LIPF: variants seen among roughly 807,000 people sequenced by gnomAD.
The protein encoded by LIPF is lipase F, gastric type.
A neutral mutation model predicts 38.0 loss-of-function variants in LIPF; 25 were observed. The ratio of observed to expected loss-of-function variants is 0.66; its 90% confidence interval spans 0.48 to 0.92. The LOEUF is 0.92. Ranked by LOEUF, LIPF falls within the 40% of genes least tolerant of loss-of-function variation. The probability of loss-of-function intolerance (pLI) is 0.00; values close to 1 mark genes in which losing one functional copy is unlikely to be tolerated. For missense variants in LIPF, 410 were observed against 469.9 expected (o/e 0.87, Z 1.18); for synonymous variants, 161 against 156.2 (o/e 1.03, Z -0.23).
At chr10:88,678,418 T>G (rs369564039) in intron 9 of LIPF, 27 bp from the exon 10 acceptor site, 402 of 1,535,682 alleles carry the variant, frequency 2.6e-4, no homozygotes, top group Non-Finnish European at 3.4e-4. Context: ...TTACCTAAAC[T>G]CTGGTTCTTT....
chr10:88,671,941 A>T lies in LIPF; in HGVS notation c.645A>T (p.Arg215Ser), dbSNP rs1233691191. The T allele has an allele frequency of 1.9e-5, 31 of 1,611,184 alleles. No homozygotes were observed. Among genetic ancestry groups the T allele is most frequent in the Non-Finnish European group, 2.6e-5 (31 of 1,178,474 alleles). The part of the protein sequence containing the change: ...KYTKSLINKL[R>S]FVPQSLFKFI... Reference sequence around the variant, plus strand: ...CAAAAAGCCTTATAAACAAACTTAGATTTGTTCCTCAATCCCTCTTCAAGG... The same window carrying T: ...CAAAAAGCCTTATAAACAAACTTAGTTTTGTTCCTCAATCCCTCTTCAAGG... Residue 215 changes from arginine to serine, a missense_variant, in exon 6 of 10, where the codon AGA becomes AGT. Transcript: ENST00000238983.
intron 1 of LIPF, among the ~76,000 whole-genome samples, chr10:88,666,551 C>A (rs1399762776): frequency 2.0e-5 from 3 of 152,006 alleles, no homozygotes; most frequent in Non-Finnish European, 2.9e-5. Context: ...GTGTTGTGGG[C>A]CTAATACCAA....
intron 3 of LIPF, 104 bp from the exon 4 acceptor site, chr10:88,668,454 G>A: frequency 1.1e-6 from 1 of 933,490 alleles, no homozygotes; most frequent in Non-Finnish European, 1.6e-6. Flanking sequence ...ACTCAATCAG[G>A]CAAATGTATT....
At chr10:88,672,750 C>G (rs1841623728) in intron 6 of LIPF, among the ~76,000 whole-genome samples, 1 of 151,276 alleles carries the variant, frequency 6.6e-6, no homozygotes, top group Non-Finnish European at 1.5e-5. Context: ...CCATTTCCTT[C>G]TATGGTTTTG....
In LIPF at chr10:88,678,743, A is replaced by C. The variant is rs190716236; in HGVS notation, c.*62A>C. 1 of 1,109,824 alleles carries C rather than the reference A, an allele frequency of 9.0e-7. No homozygotes were observed. Among genetic ancestry groups the C allele is most frequent in the East Asian group, 2.4e-5 (1 of 41,624 alleles). 68.7% of individuals were successfully genotyped at this position (1,109,824 alleles called of 1,614,324 possible). A position where few individuals can be genotyped will look rare whatever the true frequency, so the allele number is the denominator to read the frequency against. On this transcript the variant is annotated 3_prime_UTR_variant, in exon 10 of 10. Coordinates refer to ENST00000238983, the MANE Select transcript of LIPF (RefSeq NM_004190.4). ...AATACTTTATTCTCTCATACATAGT[A>C]TTTTCATAATGTTTGACATGCAGTG...
At chr10:88,675,726 ATTCTTAAAATATCCTGCTGAGTACACC>A in intron 8 of LIPF, 69 bp downstream of exon 8, 2 of 1,110,068 alleles carry the variant, frequency 1.8e-6, no homozygotes, top group Middle Eastern at 2.0e-4. Context: ...ACCTAAACAC[ATTCTTAAAATATCCTGCTGAGTACACC>A]TGGAAGGTAA....
chr10:88,673,283 G>T (rs1841632092), intron 6 of LIPF, among the ~76,000 whole-genome samples: 1 of 152,078 alleles, frequency 6.6e-6, no homozygotes, highest in South Asian at 2.1e-4. Flanking sequence ...GTGTTTTTAA[G>T]ATTTTATCCC....
chr10:88,670,763 C>G (rs1238045951), intron 5 of LIPF, among the ~76,000 whole-genome samples: 1 of 152,032 alleles, frequency 6.6e-6, no homozygotes, highest in Admixed American at 6.6e-5. Context: ...AGCTTTCACT[C>G]TGATAAAAAA....
chr10:88,665,257 C>G (rs1841493586), intron 1 of LIPF, among the ~76,000 whole-genome samples: 1 of 152,154 alleles, frequency 6.6e-6, no homozygotes, highest in Non-Finnish European at 1.5e-5. Flanking sequence ...GTCATAATAA[C>G]TATATTTAAC....
At position 88,670,043 on chromosome 10, in the gene LIPF, A is replaced by G. The variant is rs1013743988; in HGVS notation, c.532+97A>G. On this transcript the variant is annotated intron_variant, in intron 5 of 9. Coordinates refer to ENST00000238983, the MANE Select transcript of LIPF (RefSeq NM_004190.4). ...TTAGCAACCACACTAATTGCTTTCC[A>G]TTCATTTAATGCCTCCAACAACACA... 6.8e-5 allele frequency: 49 copies of G among 720,184 alleles called. 1 individual carries two copies. The African/African-American group carries it at 7.9e-4, about 12-fold the overall frequency. The allele number at this position is 720,184 out of a possible 1,614,324, so 44.6% of individuals were successfully genotyped here.
rs201865884 is a variant in LIPF at position 88,672,157 on chromosome 10, C to CCTTT, written c.669+201_669+204dup. 7.8e-3 allele frequency among the ~76,000 whole-genome samples: 1,191 copies of CCTTT among 152,266 alleles called. 13 individuals are homozygous for CCTTT. The highest frequency in any genetic ancestry group is 0.027 in the African/African-American group (1,122 of 41,536). ...ATCTCCTTACAGCCTGCGAGATCCC[C>CCTTT]CTTTCTTTCTTTGTTCTTCATGTGA... is the stretch of plus-strand genomic sequence containing the variant. On this transcript the variant is annotated intron_variant, in intron 6 of 9. Transcript: ENST00000238983.
chr10:88,672,541 CT>C (rs1436099985), intron 6 of LIPF, among the ~76,000 whole-genome samples: 1 of 151,642 alleles, frequency 6.6e-6, no homozygotes. Flanking sequence ...TATTAAGTGC[CT>C]TATGCAGTAG....
intron 5 of LIPF, among the ~76,000 whole-genome samples, chr10:88,670,971 T>C (rs1032077228): frequency 6.6e-6 from 1 of 152,128 alleles, no homozygotes; most frequent in Non-Finnish European, 1.5e-5. Context: ...GACTACATAT[T>C]ATATAGTTGT....
intron 7 of LIPF, 44 bp downstream of exon 7, chr10:88,673,778 A>G: frequency 6.5e-7 from 1 of 1,542,262 alleles, no homozygotes; most frequent in Non-Finnish European, 8.9e-7. Context: ...AACATCTTTG[A>G]TTACTTGTTT....
At chr10:88,666,516 G>A (rs1029403529) in intron 1 of LIPF, among the ~76,000 whole-genome samples, 1 of 152,116 alleles carries the variant, frequency 6.6e-6, no homozygotes, top group African/African-American at 2.4e-5. Flanking sequence ...TATAATCAGT[G>A]ACTACAACAT....
chr10:88,670,996 G>T lies in LIPF; in HGVS notation c.533-833G>T, dbSNP rs113545434. ...TATATAGTTGTCTATATCTGAAAGG[G>T]TTTTTTTTAGGCCATTCTTGAGTAT... On this transcript the variant is annotated intron_variant, in intron 5 of 9. Transcript: ENST00000238983. Among the ~76,000 whole-genome samples, 20 of 151,806 alleles carry T rather than the reference G, an allele frequency of 1.3e-4. 1 individual carries two copies. Among genetic ancestry groups the T allele is most frequent in the African/African-American group, 4.3e-4 (18 of 41,396 alleles).
intron 3 of LIPF, 119 bp from the exon 4 acceptor site, chr10:88,668,439 A>T: frequency 1.2e-6 from 1 of 844,912 alleles, no homozygotes. Context: ...ATTCAAAAAT[A>T]ATCAACTCAA....
At chr10:88,668,878 C>A in intron 4 of LIPF, 122 bp downstream of exon 4, 1 of 772,234 alleles carries the variant, frequency 1.3e-6, no homozygotes, top group Non-Finnish European at 2.1e-6. Context: ...AAGTCATTTT[C>A]ATTCTAATCC....
Position 88,672,137 on chromosome 10 carries a change from C to T in LIPF, c.669+172C>T, listed in dbSNP as rs562172977. On this transcript the variant is annotated intron_variant, in intron 6 of 9. Coordinates refer to ENST00000238983, the MANE Select transcript of LIPF (RefSeq NM_004190.4). ...ATAGCACTGACCATGTTTGAATCTC[C>T]TTACAGCCTGCGAGATCCCCCTTTC... Among the ~76,000 whole-genome samples, 54 of 152,282 alleles carry T rather than the reference C, an allele frequency of 3.5e-4. No individual in the cohort carries two copies. The East Asian group carries it at 0.01, about 29-fold the overall frequency.
Sources: allele counts gnomAD v4.1 joint callset (sites outside exome capture counted in the v4.1 genomes callset), GRCh38; gene constraint gnomAD v4.1.1; transcripts MANE v1.5; gene names NCBI Gene and HGNC (gene_info 2026-07-23, HGNC 2026-07-21).